Variants in SCAMP1 observed in about 807,000 individuals in gnomAD.
SCAMP1 encodes the protein secretory carrier-associated membrane protein 1.
In SCAMP1, 15 loss-of-function variants were observed where a neutral mutation model predicts 41.8. The observed-to-expected ratio is 0.36, with a 90% CI of 0.24 to 0.55. The LOEUF is 0.55. Among genes scored for constraint, SCAMP1 ranks in the 20% least tolerant of loss-of-function variants. SCAMP1 has a pLI of 0.86. For synonymous variants in SCAMP1, 135 were observed against 136.8 expected, an observed-to-expected ratio of 0.99 and a Z score of 0.09; for missense variants, 341 against 412.6, an observed-to-expected ratio of 0.83 and a Z score of 1.50.
chr5:78,450,265 TA>T (rs1306518681), intron 7 of SCAMP1, among the ~76,000 whole-genome samples: 1 of 152,200 alleles, frequency 6.6e-6, no homozygotes, highest in East Asian at 1.9e-4. Flanking sequence ...CTAGTTTAAA[TA>T]AAACATGTAT....
chr5:78,410,343 A>G (rs1227266588), intron 2 of SCAMP1, among the ~76,000 whole-genome samples: 1 of 151,000 alleles, frequency 6.6e-6, no homozygotes, highest in African/African-American at 2.4e-5. Context: ...TTTCCCCACC[A>G]TGTGTCCATG....
intron 2 of SCAMP1, among the ~76,000 whole-genome samples, chr5:78,400,399 A>G (rs1751768295): frequency 6.6e-6 from 1 of 152,206 alleles, no homozygotes; most frequent in African/African-American, 2.4e-5. Context: ...CAGTGTCCAC[A>G]AAATAACTTG....
At chr5:78,408,338 T>C (rs1232461710) in intron 2 of SCAMP1, among the ~76,000 whole-genome samples, 2 of 152,078 alleles carry the variant, frequency 1.3e-5, no homozygotes, top group East Asian at 3.9e-4. Context: ...CCCACCCCCA[T>C]GATTCAGTTA....
chr5:78,379,530 G>A (rs1017884287), intron 1 of SCAMP1, among the ~76,000 whole-genome samples: 14 of 152,154 alleles, frequency 9.2e-5, no homozygotes, highest in African/African-American at 3.4e-4. Flanking sequence ...AGTGAACTCA[G>A]TTCACTTGAG....
chr5:78,384,569 C>G (rs181444195), intron 1 of SCAMP1, among the ~76,000 whole-genome samples: 9 of 152,202 alleles, frequency 5.9e-5, no homozygotes, highest in Admixed American at 5.2e-4. Flanking sequence ...TTTCCCCGTT[C>G]AGTGTAATGT....
intron 2 of SCAMP1, among the ~76,000 whole-genome samples, chr5:78,408,674 C>G (rs562441013): frequency 1.5e-4 from 23 of 152,122 alleles, no homozygotes; most frequent in African/African-American, 4.6e-4. Flanking sequence ...GATCTTGGCT[C>G]GTTACAACCT....
chr5:78,429,683 A>G (rs192173544), intron 6 of SCAMP1, among the ~76,000 whole-genome samples: 474 of 152,150 alleles, frequency 3.1e-3, no homozygotes, highest in Non-Finnish European at 4.6e-3. Context: ...ACCAGAGTTC[A>G]GTAGTTTCCA....
intron 6 of SCAMP1, among the ~76,000 whole-genome samples, chr5:78,439,786 C>T (rs1752870497): frequency 6.6e-6 from 1 of 152,156 alleles, no homozygotes; most frequent in South Asian, 2.1e-4. Context: ...GGGAAGTTTT[C>T]CTGGATAATA....
chr5:78,425,224 C>T (rs751871018), intron 6 of SCAMP1, among the ~76,000 whole-genome samples: 2 of 152,220 alleles, frequency 1.3e-5, no homozygotes, highest in Non-Finnish European at 2.9e-5. Context: ...CTTTCTCCCA[C>T]TTTTTAATTA....
At chr5:78,449,875 C>A (rs1753173243) in intron 6 of SCAMP1, 58 bp from the exon 7 acceptor site, 2 of 792,578 alleles carry the variant, frequency 2.5e-6, no homozygotes, top group Non-Finnish European at 4.0e-6. Context: ...TGACGTTTTT[C>A]CCCTTCTTTC....
intron 1 of SCAMP1, among the ~76,000 whole-genome samples, chr5:78,372,236 A>G (rs1750960297): frequency 1.3e-5 from 2 of 152,236 alleles, no homozygotes; most frequent in African/African-American, 4.8e-5. Flanking sequence ...TATGGAGAGC[A>G]CTGTCAAGTG....
intron 7 of SCAMP1, among the ~76,000 whole-genome samples, chr5:78,457,375 C>T (rs1753440339): frequency 1.3e-5 from 2 of 151,886 alleles, no homozygotes; most frequent in African/African-American, 4.8e-5. Context: ...TGTGGATGTC[C>T]TTTCTGTTTG....
At chr5:78,390,618 T>G (rs948959148) in intron 2 of SCAMP1, among the ~76,000 whole-genome samples, 4 of 152,162 alleles carry the variant, frequency 2.6e-5, no homozygotes, top group Non-Finnish European at 5.9e-5. Context: ...AGACCATTTT[T>G]AAACTTTGTC....
intron 7 of SCAMP1, among the ~76,000 whole-genome samples, chr5:78,457,451 G>T (rs748787407): frequency 6.6e-6 from 1 of 151,930 alleles, no homozygotes; most frequent in East Asian, 1.9e-4. Flanking sequence ...GTCGTGTAAG[G>T]TGTCAGTGTG....
chr5:78,452,823 A>G (rs1453918546), intron 7 of SCAMP1, among the ~76,000 whole-genome samples: 13 of 143,708 alleles, frequency 9.0e-5, no homozygotes, highest in South Asian at 2.3e-4. Context: ...AAGTGTTCCT[A>G]TTTCTCCACA....
chr5:78,452,421 G>C (rs573084967), intron 7 of SCAMP1, among the ~76,000 whole-genome samples: 2 of 134,000 alleles, frequency 1.5e-5, no homozygotes, highest in South Asian at 5.3e-4. Flanking sequence ...TCCCACCTAT[G>C]AGTGAGAATA....
chr5:78,470,762 T>G (rs749492665), intron 8 of SCAMP1, among the ~76,000 whole-genome samples: 3 of 152,188 alleles, frequency 2.0e-5, no homozygotes, highest in Non-Finnish European at 4.4e-5. Context: ...AAGGACTGTA[T>G]CATTTTACAT....
intron 1 of SCAMP1, among the ~76,000 whole-genome samples, chr5:78,368,385 G>A (rs571310057): frequency 4.6e-5 from 7 of 152,136 alleles, no homozygotes; most frequent in South Asian, 2.1e-4. Context: ...TGAAAATTTC[G>A]AAAGTAAACT....
chr5:78,429,030 AT>A (rs1752533513), intron 6 of SCAMP1, among the ~76,000 whole-genome samples: 1 of 152,116 alleles, frequency 6.6e-6, no homozygotes, highest in South Asian at 2.1e-4. Flanking sequence ...GTGCACATGC[AT>A]GCTCAAGATT....
Sources: allele counts gnomAD v4.1 joint callset (sites outside exome capture counted in the v4.1 genomes callset), GRCh38; gene constraint gnomAD v4.1.1; transcripts MANE v1.5; gene names NCBI Gene and HGNC (gene_info 2026-07-23, HGNC 2026-07-21).